The following CPNE1 variants were observed in gnomAD, a reference collection of about 807,000 sequenced individuals.
CPNE1 encodes the protein copine-1.
Under a neutral mutation model 63.2 loss-of-function variants are expected in CPNE1, and 58 were observed. That is an observed-to-expected ratio of 0.92 (90% CI 0.74 to 1.14). The LOEUF is 1.14. CPNE1 is among the 50% of genes most tolerant of loss of function. The pLI, the probability that CPNE1 is intolerant of heterozygous loss-of-function variation, is 0.00. For synonymous variants in CPNE1, 237 were observed against 249.0 expected (o/e 0.95, Z 0.45); for missense variants, 672 against 661.7 (o/e 1.02, Z -0.17).
At position 35,626,580 on chromosome 20, in the gene CPNE1, C is replaced by A. The variant is rs144567952; in HGVS notation, c.1460G>T (p.Arg487Leu). Residue 487 changes from arginine (R) to leucine (L), a missense_variant, in exon 15 of 16, where the codon CGC (arginine) becomes CTC (leucine). Transcript: ENST00000397443. ...ARDIVQFVPY[R>L]RFQNAPREAL... ...GCACCTACTCACATTCTGGAACCGG[C>A]GGTAGGGTACAAACTGCACAATGTC... 2 of 1,614,024 alleles carry A rather than the reference C, an allele frequency of 1.2e-6. No homozygotes were observed. Among genetic ancestry groups the A allele is most frequent in the East Asian group, 2.2e-5 (1 of 44,876 alleles).
intron 1 of CPNE1, among the ~76,000 whole-genome samples, chr20:35,643,735 A>C (rs554511604): frequency 6.6e-6 from 1 of 152,234 alleles, no homozygotes; most frequent in African/African-American, 2.4e-5. Flanking sequence ...CTGTTGCGAA[A>C]ACAAAAAAAC....
At chr20:35,646,911 G>A (rs747389970) in intron 1 of CPNE1, among the ~76,000 whole-genome samples, 5 of 152,118 alleles carry the variant, frequency 3.3e-5, no homozygotes, top group Non-Finnish European at 5.9e-5. Context: ...ATATCCAGAT[G>A]TCTGGAACAA....
intron 13 of CPNE1, 103 bp from the exon 14 acceptor site, chr20:35,627,516 G>T: frequency 8.4e-7 from 1 of 1,195,292 alleles, no homozygotes; most frequent in Non-Finnish European, 1.2e-6. Context: ...GAACCTGGGT[G>T]CATTTCATTC....
rs2032199712 is a variant in CPNE1 at position 35,632,225 on chromosome 20, G to A, written c.394C>T (p.Gln132Ter). Residue 132 changes from glutamine (Q) to a stop codon, truncating the protein, a stop_gained, in exon 5 of 16, where the codon CAG (glutamine) becomes TAG (stop). Transcript: ENST00000397443. LOFTEE classifies it high-confidence loss of function. ...AGRGTITVSA[Q>*]ELKDNRVVTM... ...ACTACACGATTGTCCTTTAATTCCT[G>A]AGCTGAGACCTAGGTAGGGGAGACT... 1 of 1,613,958 alleles carries A rather than the reference G, an allele frequency of 6.2e-7. No homozygotes were observed. Among genetic ancestry groups the A allele is most frequent in the East Asian group, 2.2e-5 (1 of 44,870 alleles).
chr20:35,658,676 C>G (rs1005851592), intron 1 of CPNE1, among the ~76,000 whole-genome samples: 2 of 152,030 alleles, frequency 1.3e-5, no homozygotes, highest in African/African-American at 4.8e-5. Flanking sequence ...CAGAGAAGTG[C>G]TTGAACCCGG....
Position 35,632,171 on chromosome 20 carries a change from C to T in CPNE1, c.448G>A (p.Asp150Asn), listed in dbSNP as rs2032195087. The T allele has an allele frequency of 4.3e-6, 7 of 1,614,024 alleles. No homozygotes were observed. The highest frequency in any genetic ancestry group is 5.9e-6 in the Non-Finnish European group (7 of 1,179,996). The change falls in exon 5 of 16, where the codon GAT becomes AAT. Residue 150 changes from aspartate (D) to asparagine (N), a missense_variant. Physicochemically the swap from Asp to Asn is conservative, Grantham distance 23 (BLOSUM62 1). Coordinates refer to ENST00000397443, the MANE Select transcript of CPNE1 (RefSeq NM_152925.3). ...VTMEVEARNL[D>N]KKDFLGKSDP... Reference sequence around the variant, plus strand: ...CCTACTTCCAGACACACCTTCTTATCTAGGTTTCTGGCCTCTACCTCCATG... The same window carrying T: ...CCTACTTCCAGACACACCTTCTTATTTAGGTTTCTGGCCTCTACCTCCATG...
intron 1 of CPNE1, chr20:35,654,121 G>C (rs371086600): frequency 6.1e-5 from 99 of 1,614,104 alleles, no homozygotes; most frequent in Non-Finnish European, 7.8e-5. Context: ...AGGGGGATGA[G>C]TTTGTCCAGA....
chr20:35,626,128 A>G lies in CPNE1; in HGVS notation c.*113T>C. ...CAGCAAAAGCAGAAACAAGTATAAA[A>G]GTATCAAAAAATACAAAGTGCTAGC... On this transcript the variant is annotated 3_prime_UTR_variant, in exon 16 of 16. Coordinates refer to ENST00000397443, the MANE Select transcript of CPNE1 (RefSeq NM_152925.3). The G allele has an allele frequency of 3.6e-6, 4 of 1,124,078 alleles. No individual in the cohort carries two copies. Among genetic ancestry groups the G allele is most frequent in the Non-Finnish European group, 5.4e-6 (4 of 746,854 alleles). The allele number at this position is 1,124,078 out of a possible 1,614,324, so 69.6% of individuals were successfully genotyped here.
chr20:35,633,351 A>G (rs375362208), intron 1 of CPNE1, among the ~76,000 whole-genome samples: 2 of 152,210 alleles, frequency 1.3e-5, no homozygotes, highest in East Asian at 1.9e-4. Flanking sequence ...AACCCCAAAT[A>G]TAACTATGAT....
At chr20:35,632,990 A>G (rs544860597) in intron 1 of CPNE1, 67 bp from the exon 2 acceptor site, 51 of 823,718 alleles carry the variant, frequency 6.2e-5, no homozygotes, top group Admixed American at 1.3e-4. Flanking sequence ...TACAGGTCCC[A>G]GCTTGGGAAG....
At chr20:35,628,327 G>C (rs2031901732) in intron 13 of CPNE1, among the ~76,000 whole-genome samples, 1 of 151,176 alleles carries the variant, frequency 6.6e-6, no homozygotes, top group Admixed American at 6.6e-5. Context: ...AAAAAAACTA[G>C]AGGGGAATGT....
At chr20:35,633,727 C>A (rs1414197403) in intron 1 of CPNE1, among the ~76,000 whole-genome samples, 2 of 151,126 alleles carry the variant, frequency 1.3e-5, no homozygotes, top group African/African-American at 4.9e-5. Flanking sequence ...CCAAGGTGGG[C>A]AGATCACTTG....
intron 1 of CPNE1, among the ~76,000 whole-genome samples, chr20:35,640,901 A>T (rs765843530): frequency 3.9e-5 from 6 of 152,160 alleles, no homozygotes; most frequent in Admixed American, 1.3e-4. Context: ...ACACCAATTT[A>T]TCTTCTCTGT....
At chr20:35,633,946 C>G (rs1248425500) in intron 1 of CPNE1, among the ~76,000 whole-genome samples, 2 of 84,264 alleles carry the variant, frequency 2.4e-5, no homozygotes, top group Non-Finnish European at 2.2e-5. Flanking sequence ...GCAACAAGAG[C>G]AAGATTCCGT....
At position 35,626,299 on chromosome 20, in the gene CPNE1, G is replaced by T; in HGVS notation, c.1556C>A (p.Ala519Asp). ...LVSYFRAQGW[A>D]PLKPLPPSAK... ...TGAGGGTGGAAGTGGCTTGAGCGGGGCCCAACCCTGGGCCCTGAAGTATGA... is the reference window on the plus strand; with the variant it reads ...TGAGGGTGGAAGTGGCTTGAGCGGGTCCCAACCCTGGGCCCTGAAGTATGA... Residue 519 changes from alanine (A) to aspartate (D), a missense_variant, in exon 16 of 16, where the codon GCC (alanine) becomes GAC (aspartate). Coordinates refer to ENST00000397443, the MANE Select transcript of CPNE1 (RefSeq NM_152925.3). The T allele has an allele frequency of 6.2e-7, 1 of 1,614,054 alleles. No homozygotes were observed. Among genetic ancestry groups the T allele is most frequent in the Non-Finnish European group, 8.5e-7 (1 of 1,179,992 alleles).
intron 1 of CPNE1, among the ~76,000 whole-genome samples, chr20:35,634,916 T>TTG (rs1049724547): frequency 6.7e-6 from 1 of 149,206 alleles, no homozygotes; most frequent in Non-Finnish European, 1.5e-5. Flanking sequence ...TTTTTTTTTT[T>TTG]TTTTTTTTGT....
intron 14 of CPNE1, 106 bp from the exon 15 acceptor site, chr20:35,626,909 C>T (rs562224096): frequency 5.5e-5 from 52 of 953,438 alleles, no homozygotes; most frequent in African/African-American, 9.6e-5. Flanking sequence ...TGTTACAGGC[C>T]GGGTGCGATG....
chr20:35,653,314 G>C, intron 1 of CPNE1: 1 of 1,613,810 alleles, frequency 6.2e-7, no homozygotes, highest in Non-Finnish European at 8.5e-7. Context: ...GGGCAGGCCT[G>C]CACCGGGAAG....
At chr20:35,662,913 C>A (rs528181634) in intron 1 of CPNE1, among the ~76,000 whole-genome samples, 2 of 152,296 alleles carry the variant, frequency 1.3e-5, no homozygotes, top group East Asian at 3.9e-4. Flanking sequence ...TTTCATCTAA[C>A]AGATTTGAAC....
Sources: gnomAD v4.1 joint callset for allele counts (sites outside exome capture counted in the v4.1 genomes callset) on GRCh38, gnomAD v4.1.1 for gene constraint, MANE v1.5 for transcripts, NCBI Gene and HGNC (gene_info 2026-07-23, HGNC 2026-07-21) for gene names.